MSRA: variants seen among roughly 807,000 people sequenced by gnomAD.
MSRA encodes mitochondrial peptide methionine sulfoxide reductase.
A neutral mutation model predicts 31.3 loss-of-function variants in MSRA; 54 were observed. The observed-to-expected ratio is 1.73, with a 90% confidence interval of 1.39 to 2.17. The LOEUF is 2.17. MSRA is among the 30% of genes most tolerant of loss of function. The probability of loss-of-function intolerance (pLI) is 0.00; values close to 1 mark genes in which losing one functional copy is unlikely to be tolerated. For synonymous variants in MSRA, 169 were observed against 116.5 expected, an observed-to-expected ratio of 1.45 and a Z score of -2.90; for missense variants, 507 against 300.9, an observed-to-expected ratio of 1.69 and a Z score of -5.07.
chr8:10,401,353 G>A (rs1807451123), intron 5 of MSRA, among the ~76,000 whole-genome samples: 1 of 152,152 alleles, frequency 6.6e-6, no homozygotes, highest in Non-Finnish European at 1.5e-5. Context: ...AAACTACAGT[G>A]AGAAACCACT....
At chr8:10,245,340 C>G in intron 3 of MSRA, 117 bp downstream of exon 3, 1 of 989,394 alleles carries the variant, frequency 1.0e-6, no homozygotes, top group East Asian at 2.6e-5. Flanking sequence ...TTTCTTCAAT[C>G]TTTATTATTT....
chr8:10,365,847 G>A (rs1805132567), intron 5 of MSRA, among the ~76,000 whole-genome samples: 1 of 152,228 alleles, frequency 6.6e-6, no homozygotes, highest in South Asian at 2.1e-4. Flanking sequence ...GGTAAGGGAG[G>A]AACGATGCTG....
At chr8:10,305,661 C>T (rs1021610912) in intron 4 of MSRA, among the ~76,000 whole-genome samples, 16 of 152,334 alleles carry the variant, frequency 1.1e-4, no homozygotes, top group African/African-American at 3.8e-4. Flanking sequence ...ATTCGCCCAC[C>T]TCGGCCTCCC....
chr8:10,162,941 C>T lies in MSRA; in HGVS notation c.143-44892C>T, dbSNP rs7006897. 6.7e-3 allele frequency among the ~76,000 whole-genome samples: 1,027 copies of T among 152,220 alleles called. 17 individuals carry two copies. The highest frequency in any genetic ancestry group is 0.023 in the African/African-American group (967 of 41,538). ...CCTCCTGTGGTCTTAAAGTTTGCAC[C>T]TCTCCAAATTCCTAGGTTGAAATCC... On this transcript the variant is annotated intron_variant, in intron 1 of 5. Transcript: ENST00000317173.
chr8:10,224,993 C>T (rs1289254521), intron 2 of MSRA, among the ~76,000 whole-genome samples: 5 of 152,172 alleles, frequency 3.3e-5, no homozygotes, highest in Admixed American at 2.6e-4. Context: ...CAAAAATAAG[C>T]TGGCCGTGGT....
chr8:10,191,789 T>C lies in MSRA; in HGVS notation c.143-16044T>C, dbSNP rs148495441. On this transcript the variant is annotated intron_variant, in intron 1 of 5. Transcript: ENST00000317173. The stretch of plus-strand genomic sequence containing the variant: ...TTTGGCTTATGTCATTAGTTTTCCT[T>C]TGGAAAAAAATTGCATTATTTTTCT... Among the ~76,000 whole-genome samples, 670 of 152,266 alleles carry C rather than the reference T, an allele frequency of 4.4e-3. 1 individual carries two copies. Among genetic ancestry groups the C allele is most frequent in the Non-Finnish European group, 6.5e-3 (444 of 68,014 alleles).
intron 3 of MSRA, among the ~76,000 whole-genome samples, chr8:10,298,886 G>A (rs1013706478): frequency 3.3e-5 from 5 of 152,076 alleles, no homozygotes. Context: ...TTTTCTATTA[G>A]TTGAAGTTAT....
chr8:10,254,127 G>A (rs4841298), intron 3 of MSRA, among the ~76,000 whole-genome samples: 35,883 of 151,886 alleles, frequency 0.24, 5,634 homozygotes, highest in Non-Finnish European at 0.36. Flanking sequence ...TGGCCTCTGA[G>A]GCGTGGAATT....
chr8:10,069,354 C>T (rs891232083), intron 1 of MSRA, among the ~76,000 whole-genome samples: 5 of 152,176 alleles, frequency 3.3e-5, no homozygotes, highest in African/African-American at 1.2e-4. Flanking sequence ...AGTGGGAAAG[C>T]ATCTAGTTTC....
intron 3 of MSRA, among the ~76,000 whole-genome samples, chr8:10,272,958 T>C (rs1024814464): frequency 3.3e-5 from 5 of 152,194 alleles, no homozygotes; most frequent in African/African-American, 1.2e-4. Flanking sequence ...ATATTCTAAA[T>C]TTAAATATGA....
rs183748436 is a variant in MSRA at position 10,339,891 on chromosome 8, A to C, written c.543+19902A>C. Among the ~76,000 whole-genome samples, 8 of 152,204 alleles carry C rather than the reference A, an allele frequency of 5.3e-5. No individual in the cohort carries two copies. In the East Asian group the frequency reaches 7.8e-4, roughly 15 times the overall value. ...CTGATGACTAACGAGAGGGAACATA[A>C]GGACCCTATGGTCTGCCCTTCTAGG... On this transcript the variant is annotated intron_variant, in intron 5 of 5. Coordinates refer to ENST00000317173, the MANE Select transcript of MSRA (RefSeq NM_012331.5).
chr8:10,365,167 C>G (rs1231965391), intron 5 of MSRA, among the ~76,000 whole-genome samples: 5 of 140,590 alleles, frequency 3.6e-5, no homozygotes, highest in Non-Finnish European at 7.6e-5. Flanking sequence ...AAAAAAAAGT[C>G]GAGACTGGAA....
chr8:10,146,362 A>G (rs1366784438), intron 1 of MSRA, among the ~76,000 whole-genome samples: 3 of 152,322 alleles, frequency 2.0e-5, no homozygotes, highest in Middle Eastern at 3.4e-3. Context: ...ACATCCCCAG[A>G]AGGGTGAAAC....
At chr8:10,302,066 TA>T (rs1017548150) in intron 4 of MSRA, among the ~76,000 whole-genome samples, 1 of 152,192 alleles carries the variant, frequency 6.6e-6, no homozygotes, top group African/African-American at 2.4e-5. Context: ...TGGATTTTTT[TA>T]AAAAAATGTA....
chr8:10,153,383 G>A (rs894135997), intron 1 of MSRA, among the ~76,000 whole-genome samples: 13 of 151,856 alleles, frequency 8.6e-5, no homozygotes, highest in Non-Finnish European at 1.6e-4. Context: ...TCCCTCTCAC[G>A]TGCCTGCTGT....
At chr8:10,106,438 C>T (rs1473906722) in intron 1 of MSRA, among the ~76,000 whole-genome samples, 1 of 152,162 alleles carries the variant, frequency 6.6e-6, no homozygotes, top group African/African-American at 2.4e-5. Context: ...CATTCCTCTA[C>T]TGTTTAAAAG....
At chr8:10,072,112 A>C (rs1159104661) in intron 1 of MSRA, among the ~76,000 whole-genome samples, 1 of 151,958 alleles carries the variant, frequency 6.6e-6, no homozygotes, top group Non-Finnish European at 1.5e-5. Flanking sequence ...TGTGACACAC[A>C]CCCTTAAGCA....
chr8:10,133,010 G>A (rs185613971), intron 1 of MSRA, among the ~76,000 whole-genome samples: 2 of 152,294 alleles, frequency 1.3e-5, no homozygotes, highest in Middle Eastern at 3.4e-3. Context: ...CTGCCTTGGA[G>A]CTGAGTCATA....
At chr8:10,234,192 C>T (rs1811745110) in intron 2 of MSRA, among the ~76,000 whole-genome samples, 1 of 151,920 alleles carries the variant, frequency 6.6e-6, no homozygotes, top group Admixed American at 6.6e-5. Context: ...AAAGGAGAGA[C>T]CTGAAGCATA....
Sources: allele counts gnomAD v4.1 joint callset (sites outside exome capture counted in the v4.1 genomes callset), GRCh38; gene constraint gnomAD v4.1.1; transcripts MANE v1.5; gene names NCBI Gene and HGNC (gene_info 2026-07-23, HGNC 2026-07-21).